The following POU6F2 variants were observed in gnomAD, a reference collection of about 807,000 sequenced individuals.
POU6F2 encodes the protein POU class 6 homeobox 2.
POU6F2 carries 31 observed loss-of-function variants against 71.3 expected under a neutral mutation model. The ratio of observed to expected loss-of-function variants is 0.43; its 90% confidence interval spans 0.33 to 0.59. The LOEUF is 0.59. Among genes scored for constraint, POU6F2 ranks in the 20% least tolerant of loss-of-function variants. The pLI is 0.04. For missense variants in POU6F2, 783 were observed against 856.8 expected, an observed-to-expected ratio of 0.91 and a Z score of 1.07; for synonymous variants, 347 against 355.7, an observed-to-expected ratio of 0.98 and a Z score of 0.27.
intron 2 of POU6F2, among the ~76,000 whole-genome samples, chr7:39,102,182 G>A (rs1370520374): frequency 2.0e-5 from 3 of 152,104 alleles, no homozygotes; most frequent in East Asian, 3.9e-4. Flanking sequence ...TGTCTAAGTC[G>A]CTTATAATGA....
intron 1 of POU6F2, among the ~76,000 whole-genome samples, chr7:39,003,833 G>A (rs1434484005): frequency 6.6e-6 from 1 of 151,886 alleles, no homozygotes; most frequent in African/African-American, 2.4e-5. Context: ...AAATTGACCT[G>A]GGTATATGCT....
chr7:39,080,784 T>C (rs1791103039), intron 1 of POU6F2, among the ~76,000 whole-genome samples: 1 of 152,204 alleles, frequency 6.6e-6, no homozygotes, highest in South Asian at 2.1e-4. Context: ...TTCCATCATG[T>C]GGCTGCCACT....
chr7:39,006,059 G>A (rs1036918873), intron 1 of POU6F2, among the ~76,000 whole-genome samples: 1 of 152,178 alleles, frequency 6.6e-6, no homozygotes, highest in Non-Finnish European at 1.5e-5. Context: ...GTGTATTGTG[G>A]TATTGGGGGG....
chr7:39,030,501 T>TATATATATATATAC (rs1789912574), intron 1 of POU6F2, among the ~76,000 whole-genome samples: 1 of 8,162 alleles, frequency 1.2e-4, no homozygotes, highest in Non-Finnish European at 2.4e-4. Context: ...CAAAAAATAC[T>TATATATATATATAC]ATATATATAT....
intron 5 of POU6F2, among the ~76,000 whole-genome samples, chr7:39,394,321 G>A (rs764884431): frequency 5.9e-5 from 9 of 152,196 alleles, no homozygotes; most frequent in Non-Finnish European, 7.4e-5. Flanking sequence ...GCAGTTTAGC[G>A]TTCCCTTTAT....
intron 1 of POU6F2, among the ~76,000 whole-genome samples, chr7:39,038,528 A>G (rs1790113553): frequency 6.6e-6 from 1 of 152,052 alleles, no homozygotes; most frequent in African/African-American, 2.4e-5. Context: ...AACAGCACTC[A>G]GATCTCTGAA....
intron 4 of POU6F2, among the ~76,000 whole-genome samples, chr7:39,223,460 C>T (rs1794406947): frequency 6.6e-6 from 1 of 152,136 alleles, no homozygotes; most frequent in African/African-American, 2.4e-5. Context: ...TTCTATTGAA[C>T]TCCAATACAG....
chr7:39,423,050 G>C (rs1583591094), intron 6 of POU6F2, among the ~76,000 whole-genome samples: 1 of 152,256 alleles, frequency 6.6e-6, no homozygotes, highest in East Asian at 1.9e-4. Context: ...TCAATCCACA[G>C]AATAAGGTCA....
rs1789116403 is a variant in POU6F2 at position 39,468,177 on chromosome 7, G to A, written c.*3491G>A. ...TTATGTGAGGCACATTTGTTTATTTGTTGTTAAGAAAGTGATTTTTTTTTT... is the reference window on the plus strand; with the variant it reads ...TTATGTGAGGCACATTTGTTTATTTATTGTTAAGAAAGTGATTTTTTTTTT... On this transcript the variant is annotated 3_prime_UTR_variant, in exon 10 of 10. Coordinates refer to ENST00000518318, the MANE Select transcript of POU6F2 (RefSeq NM_001370959.1). 1.3e-5 allele frequency: 2 copies of A among 149,540 alleles called. No homozygotes were observed. Among genetic ancestry groups the A allele is most frequent in the South Asian group, 4.2e-4 (2 of 4,728 alleles). The allele number at this position is 149,540 out of a possible 1,614,324, so 9.3% of individuals were successfully genotyped here.
At chr7:39,170,624 A>C (rs559681269) in intron 2 of POU6F2, among the ~76,000 whole-genome samples, 1 of 152,300 alleles carries the variant, frequency 6.6e-6, no homozygotes, top group South Asian at 2.1e-4. Flanking sequence ...AACCATTTAA[A>C]ATGACTTTTA....
intron 2 of POU6F2, among the ~76,000 whole-genome samples, chr7:39,099,853 G>C (rs1483188386): frequency 1.3e-5 from 2 of 152,180 alleles, no homozygotes; most frequent in African/African-American, 2.4e-5. Context: ...TTCTGATGGG[G>C]GTTCTCTTGG....
chr7:39,015,679 ATGT>A (rs1789472908), intron 1 of POU6F2, among the ~76,000 whole-genome samples: 1 of 101,772 alleles, frequency 9.8e-6, no homozygotes, highest in South Asian at 2.9e-4. Context: ...TATTATATCT[ATGT>A]TATATATCTA....
intron 4 of POU6F2, among the ~76,000 whole-genome samples, chr7:39,252,203 C>CA (rs2128752973): frequency 6.6e-6 from 1 of 152,114 alleles, no homozygotes; most frequent in South Asian, 2.1e-4. Flanking sequence ...CCAGGAGGAC[C>CA]ACTCATCACT....
chr7:39,331,665 G>A (rs1319188477), intron 4 of POU6F2, among the ~76,000 whole-genome samples: 1 of 151,940 alleles, frequency 6.6e-6, no homozygotes, highest in East Asian at 1.9e-4. Context: ...ACGCCACCAC[G>A]CCCAGCTAAT....
chr7:38,998,906 C>T (rs1054016462), intron 1 of POU6F2, among the ~76,000 whole-genome samples: 4 of 150,702 alleles, frequency 2.7e-5, no homozygotes, highest in Admixed American at 6.6e-5. Flanking sequence ...CTTCATGATC[C>T]GCCCGCCTCG....
At chr7:39,006,880 T>G in intron 1 of POU6F2, 6 of 1,612,550 alleles carry the variant, frequency 3.7e-6, no homozygotes, top group Non-Finnish European at 5.1e-6. Flanking sequence ...ATTTTGTTGA[T>G]TTTTCAGAAT....
In POU6F2 at chr7:39,070,952, A is replaced by T. The variant is rs140128115; in HGVS notation, c.106-14908A>T. Among the ~76,000 whole-genome samples, 35 of 152,262 alleles carry T rather than the reference A, an allele frequency of 2.3e-4. No homozygotes were observed. In the East Asian group the frequency reaches 3.5e-3, roughly 15 times the overall value. On this transcript the variant is annotated intron_variant, in intron 1 of 9. Coordinates refer to ENST00000518318, the MANE Select transcript of POU6F2 (RefSeq NM_001370959.1). ...CCCATCACTTAGAGGAGTGGATGGTATATAGCAGTGGTCCCCGTTTTTGGC... is the reference window on the plus strand; with the variant it reads ...CCCATCACTTAGAGGAGTGGATGGTTTATAGCAGTGGTCCCCGTTTTTGGC...
intron 5 of POU6F2, among the ~76,000 whole-genome samples, chr7:39,377,314 C>T (rs368472309): frequency 2.6e-5 from 4 of 151,758 alleles, no homozygotes; most frequent in Admixed American, 1.3e-4. Context: ...TAGTTTTAGT[C>T]GAGACAGAGT....
intron 2 of POU6F2, among the ~76,000 whole-genome samples, chr7:39,138,324 C>G (rs1792426950): frequency 6.6e-6 from 1 of 152,134 alleles, no homozygotes; most frequent in Admixed American, 6.5e-5. Context: ...TAGGGGTCCC[C>G]AACCCCTGGA....
Sources: gnomAD v4.1 joint callset for allele counts (sites outside exome capture counted in the v4.1 genomes callset) on GRCh38, gnomAD v4.1.1 for gene constraint, MANE v1.5 for transcripts, NCBI Gene and HGNC (gene_info 2026-07-23, HGNC 2026-07-21) for gene names.